Variants in ABCA9 observed in about 807,000 individuals in gnomAD.
ABCA9 encodes the protein ATP-binding cassette sub-family A member 9.
In ABCA9, 183 loss-of-function variants were observed where a neutral mutation model predicts 205.3. That is an observed-to-expected ratio of 0.89 (90% CI 0.79 to 1.01). The LOEUF (loss-of-function observed/expected upper bound fraction) is 1.01, where lower values mean the gene tolerates loss of function less well. ABCA9 is among the 50% of genes least tolerant of loss of function. ABCA9 has a pLI of 0.00. For synonymous variants in ABCA9, 651 were observed against 683.3 expected (o/e 0.95, Z 0.74); for missense variants, 1,805 against 1,912.4 (o/e 0.94, Z 1.05).
intron 31 of ABCA9, 85 bp downstream of exon 31, chr17:68,988,942 T>A: frequency 1.2e-6 from 1 of 802,206 alleles, no homozygotes; most frequent in Non-Finnish European, 2.1e-6. Flanking sequence ...ACTAAGTGAT[T>A]ATGGATCAAC....
At chr17:69,067,918 T>C in the ABCA9 span, among the ~76,000 whole-genome samples, 1 of 152,214 alleles carries the variant, frequency 6.6e-6, no homozygotes, top group Non-Finnish European at 1.5e-5. Flanking sequence ...TTATAGTAGA[T>C]GCTCATCTCT....
rs1454906044 is a variant in ABCA9, at chr17:69,049,279, A to G, written c.304+4T>C. The G allele has an allele frequency of 1.9e-6, 3 of 1,606,516 alleles. No individual in the cohort carries two copies. Among genetic ancestry groups the G allele is most frequent in the Non-Finnish European group, 1.7e-6 (2 of 1,174,926 alleles). Reference sequence around the variant, plus strand: ...AAATTACTATGAACAACCAGGGAACATACCTTTTAGGAATGGGGCTGAAGC... The same window carrying G: ...AAATTACTATGAACAACCAGGGAACGTACCTTTTAGGAATGGGGCTGAAGC... On this transcript the variant is annotated splice_donor_region_variant and intron_variant, in intron 3 of 38. Coordinates refer to ENST00000340001, the MANE Select transcript of ABCA9 (RefSeq NM_080283.4).
intron 18 of ABCA9, chr17:69,020,838 T>C (rs1246274012): frequency 2.6e-6 from 1 of 388,844 alleles, no homozygotes; most frequent in African/African-American, 2.1e-5. Flanking sequence ...TAGGACTTTA[T>C]TTATTCTAAG....
In ABCA9 at chr17:68,995,938, A is replaced by G; in HGVS notation, c.3512T>C (p.Ile1171Thr). 1.2e-6 allele frequency: 2 copies of G among 1,613,810 alleles called. No homozygotes were observed. Among genetic ancestry groups the G allele is most frequent in the Non-Finnish European group, 1.7e-6 (2 of 1,179,884 alleles). ...AGAGCCAATCAATGTGAAGGGAGGT[A>G]TTAACATGGTGCCAAAAAATAGCCC... is the stretch of plus-strand genomic sequence containing the variant. The part of the protein sequence containing the change: ...FLGLFFGTML[I>T]PPFTLIGSLF... The change falls in exon 26 of 39, where the codon ATA becomes ACA. Residue 1171 changes from isoleucine (I) to threonine (T), a missense_variant. Transcript: ENST00000340001.
At chr17:69,042,360 A>G (rs566281558) in intron 6 of ABCA9, 1 of 152,338 alleles carries the variant, frequency 6.6e-6, no homozygotes, top group South Asian at 2.1e-4. Flanking sequence ...AAGTTTAAAG[A>G]GTTTAAGTAA....
At chr17:69,020,268 G>T in intron 19 of ABCA9, 120 bp downstream of exon 19, 1 of 933,356 alleles carries the variant, frequency 1.1e-6, no homozygotes, top group Non-Finnish European at 1.6e-6. Flanking sequence ...TGATTTCTTT[G>T]TTTAAAAGAC....
intron 37 of ABCA9, among the ~76,000 whole-genome samples, chr17:68,981,672 T>C (rs1167840700): frequency 6.6e-6 from 1 of 151,750 alleles, no homozygotes; most frequent in Non-Finnish European, 1.5e-5. Flanking sequence ...AAACTCTGTC[T>C]CTACTAAAAA....
At chr17:69,064,970 T>A (rs1054439470), upstream of ABCA9, among the ~76,000 whole-genome samples, 11 of 152,258 alleles carry the variant, frequency 7.2e-5, no homozygotes, top group Non-Finnish European at 1.5e-5. Context: ...TGAAAATGTC[T>A]TATATTTCTC....
chr17:69,014,102 C>G (rs968343906), intron 22 of ABCA9, among the ~76,000 whole-genome samples: 1 of 152,138 alleles, frequency 6.6e-6, no homozygotes, highest in Non-Finnish European at 1.5e-5. Flanking sequence ...TAATGAAACA[C>G]AGTGACACCT....
intron 10 of ABCA9, among the ~76,000 whole-genome samples, chr17:69,030,985 C>T (rs2144360775): frequency 6.6e-6 from 1 of 152,254 alleles, no homozygotes; most frequent in East Asian, 1.9e-4. Flanking sequence ...GGGTGCCGCA[C>T]CAGCCACAGT....
At chr17:69,058,117 G>T (rs2072126363) in intron 1 of ABCA9, among the ~76,000 whole-genome samples, 1 of 152,136 alleles carries the variant, frequency 6.6e-6, no homozygotes, top group Non-Finnish European at 1.5e-5. Flanking sequence ...AACATTCTAG[G>T]ATGGGAAACT....
At chr17:69,055,914 TA>T (rs1253873101) in intron 1 of ABCA9, among the ~76,000 whole-genome samples, 1 of 151,996 alleles carries the variant, frequency 6.6e-6, no homozygotes, top group Non-Finnish European at 1.5e-5. Context: ...CTAAATAACA[TA>T]AAAGTCAAAG....
At position 69,000,735 on chromosome 17, in the gene ABCA9, A is replaced by G. The variant is rs369585223; in HGVS notation, c.3436-4721T>C. ...CCTTGGGCAGTATGGCCATTTTCAC[A>G]ATATTGATTCTTCCTACCCATGAGC... On this transcript the variant is annotated intron_variant, in intron 25 of 38. Coordinates refer to ENST00000340001, the MANE Select transcript of ABCA9 (RefSeq NM_080283.4). Among the ~76,000 whole-genome samples the G allele has an allele frequency of 8.1e-4, 122 of 149,852 alleles. No individual in the cohort carries two copies. The Middle Eastern group carries it at 0.011, about 13-fold the overall frequency.
In ABCA9 at chr17:68,976,112, T is replaced by A. The variant is rs769683893; in HGVS notation, c.4776+23A>T. 7.4e-6 allele frequency: 12 copies of A among 1,611,344 alleles called. No homozygotes were observed. In the Admixed American group the frequency reaches 2.0e-4, roughly 27 times the overall value. ...ATACATGTATATTCCATGGATGATA[T>A]AGAATCACTAAAAATGACCCACCTG... On this transcript the variant is annotated intron_variant, in intron 38 of 38. Coordinates refer to ENST00000340001, the MANE Select transcript of ABCA9 (RefSeq NM_080283.4).
At chr17:68,998,020 A>T (rs559029929) in intron 25 of ABCA9, among the ~76,000 whole-genome samples, 3 of 152,286 alleles carry the variant, frequency 2.0e-5, no homozygotes, top group South Asian at 4.1e-4. Flanking sequence ...AATGTCATTT[A>T]GTTGTAATCA....
rs2070912391 is a variant in ABCA9 at position 69,024,272 on chromosome 17, T to C, written c.2223A>G (p.Ala741=). Residue 741 remains alanine (A), a synonymous_variant, in exon 17 of 39, where the codon GCA becomes GCG. Coordinates refer to ENST00000340001, the MANE Select transcript of ABCA9 (RefSeq NM_080283.4). ...TATATACAAGTTTTTCTTCACTTTG[T>C]GCTGTCAATTTGGCATCAGAGATGT... ...KQHISDAKLT[A]QSEEKLVYIL... The C allele has an allele frequency of 6.2e-7, 1 of 1,613,298 alleles. No individual in the cohort carries two copies. Among genetic ancestry groups the C allele is most frequent in the Non-Finnish European group, 8.5e-7 (1 of 1,179,580 alleles).
chr17:69,051,005 G>A lies in ABCA9; in HGVS notation c.96+26C>T, dbSNP rs371011768. 5.0e-6 allele frequency: 8 copies of A among 1,596,412 alleles called. No homozygotes were observed. The African/African-American group carries it at 9.4e-5, about 19-fold the overall frequency. On this transcript the variant is annotated intron_variant, in intron 2 of 38. Transcript: ENST00000340001. ...AAATACTTTTTCATCCTCTAAATAT[G>A]AGAACACATAGACTCTGAAGCATAC... is the stretch of plus-strand genomic sequence containing the variant.
In ABCA9 at chr17:69,035,746, C is replaced by T. The variant is rs755647949; in HGVS notation, c.856G>A (p.Ala286Thr). 2.5e-6 allele frequency: 4 copies of T among 1,613,506 alleles called. No homozygotes were observed. In the South Asian group the frequency reaches 4.4e-5, roughly 18 times the overall value. Residue 286 changes from alanine to threonine, a missense_variant, in exon 7 of 39, where the codon GCT becomes ACT. Physicochemically the swap from Ala to Thr is moderately conservative, Grantham distance 58. Coordinates refer to ENST00000340001, the MANE Select transcript of ABCA9 (RefSeq NM_080283.4). ...ATTTGTGCAGATTTTACAATAAGAG[C>T]CATTAAAGTGGCCATGATAAGGATG... Reference protein sequence around the residue: ...GFILIMATLMALIVKSAQIVV... With the variant: ...GFILIMATLMTLIVKSAQIVV...
At chr17:69,044,962 A>C (rs1487937376) in intron 4 of ABCA9, among the ~76,000 whole-genome samples, 4 of 152,152 alleles carry the variant, frequency 2.6e-5, no homozygotes, top group Non-Finnish European at 5.9e-5. Flanking sequence ...AGCAACTTAG[A>C]AATAAGAGTA....
Sources: allele counts gnomAD v4.1 joint callset (sites outside exome capture counted in the v4.1 genomes callset), GRCh38; gene constraint gnomAD v4.1.1; transcripts MANE v1.5; gene names NCBI Gene and HGNC (gene_info 2026-07-23, HGNC 2026-07-21).